The following PPM1H variants were observed in gnomAD, a reference collection of about 807,000 sequenced individuals.
PPM1H encodes the protein protein phosphatase 1H.
A neutral mutation model predicts 54.9 loss-of-function variants in PPM1H; 27 were observed. That is an observed-to-expected ratio of 0.49 (90% CI 0.36 to 0.68). The LOEUF (loss-of-function observed/expected upper bound fraction) is 0.68, where lower values mean the gene tolerates loss of function less well. PPM1H is among the 30% of genes least tolerant of loss of function. The pLI, the probability that PPM1H is intolerant of heterozygous loss-of-function variation, is 0.00. For synonymous variants in PPM1H, 305 were observed against 270.8 expected, an observed-to-expected ratio of 1.13 and a Z score of -1.24; for missense variants, 596 against 667.8, an observed-to-expected ratio of 0.89 and a Z score of 1.19.
chr12:62,667,396 C>A lies in PPM1H; in HGVS notation c.1246-67G>T, dbSNP rs550838245. ...CATATTATTCTCCCTAACAAACTGA[C>A]TTCTGATTCCCCTTCCCTTTTCCTG... On this transcript the variant is annotated intron_variant, in intron 8 of 9. Coordinates refer to ENST00000228705, the MANE Select transcript of PPM1H (RefSeq NM_020700.2). 5.2e-5 allele frequency: 69 copies of A among 1,338,042 alleles called. No homozygotes were observed. The East Asian group carries it at 1.3e-3, about 26-fold the overall frequency. 82.9% of individuals were successfully genotyped at this position (1,338,042 alleles called of 1,614,324 possible). A position where few individuals can be genotyped will look rare whatever the true frequency, so the allele number is the denominator to read the frequency against.
chr12:62,833,424 T>A (rs1028970923), intron 1 of PPM1H, among the ~76,000 whole-genome samples: 1 of 152,216 alleles, frequency 6.6e-6, no homozygotes, highest in Non-Finnish European at 1.5e-5. Context: ...CAGAGTCCCA[T>A]GTAGCTTTTG....
At chr12:62,856,858 T>G (rs1352437193) in intron 1 of PPM1H, among the ~76,000 whole-genome samples, 2 of 152,132 alleles carry the variant, frequency 1.3e-5, no homozygotes, top group Non-Finnish European at 2.9e-5. Flanking sequence ...GCTTTTTGGG[T>G]GATCACAAGA....
At chr12:62,877,301 T>C (rs776164020) in intron 1 of PPM1H, among the ~76,000 whole-genome samples, 1 of 152,156 alleles carries the variant, frequency 6.6e-6, no homozygotes, top group Non-Finnish European at 1.5e-5. Flanking sequence ...CTTCCTGATA[T>C]TGAACACAGA....
intron 2 of PPM1H, among the ~76,000 whole-genome samples, chr12:62,810,926 G>A (rs2120776488): frequency 1.3e-5 from 2 of 152,300 alleles, no homozygotes; most frequent in South Asian, 2.1e-4. Flanking sequence ...TATGTGCCAG[G>A]CTCCATGCTG....
chr12:62,934,940 C>T lies in PPM1H; in HGVS notation c.-204G>A, dbSNP rs1872282355. 1 of 330,262 alleles carries T rather than the reference C, an allele frequency of 3.0e-6. No homozygotes were observed. Among genetic ancestry groups the T allele is most frequent in the Admixed American group, 5.1e-5 (1 of 19,446 alleles). 20.5% of individuals were successfully genotyped at this position (330,262 alleles called of 1,614,324 possible). ...TGCTTAGTGCCGCGGTGGCCGCCGC[C>T]TCCCCCCGCTACACTTCCGCAACGG... On this transcript the variant is annotated 5_prime_UTR_variant, in exon 1 of 10. Coordinates refer to ENST00000228705, the MANE Select transcript of PPM1H (RefSeq NM_020700.2). This position sits in a 1 kb window ranked among gnomAD's most constrained non-coding sequence, Gnocchi z 4.2.
chr12:62,910,618 T>C (rs553914329), intron 1 of PPM1H, among the ~76,000 whole-genome samples: 1 of 152,338 alleles, frequency 6.6e-6, no homozygotes, highest in Admixed American at 6.5e-5. Context: ...CCTTTTGACT[T>C]ATGGCACTTT....
intron 3 of PPM1H, among the ~76,000 whole-genome samples, chr12:62,800,091 G>A (rs1421853757): frequency 1.3e-5 from 2 of 152,180 alleles, no homozygotes; most frequent in Non-Finnish European, 2.9e-5. Context: ...CCAAAGAAGG[G>A]ACACGTTTAA....
At chr12:62,933,060 T>C (rs746066443) in intron 1 of PPM1H, among the ~76,000 whole-genome samples, 1 of 152,218 alleles carries the variant, frequency 6.6e-6, no homozygotes, top group Non-Finnish European at 1.5e-5. Flanking sequence ...GGCTTTCTCT[T>C]GGAAGTTACA....
chr12:62,831,222 C>A (rs1016643090), intron 2 of PPM1H, among the ~76,000 whole-genome samples: 3 of 152,160 alleles, frequency 2.0e-5, no homozygotes, highest in African/African-American at 7.2e-5. Context: ...AAAATTTTTA[C>A]ACAAAAATAT....
intron 4 of PPM1H, among the ~76,000 whole-genome samples, chr12:62,756,870 A>T (rs967300930): frequency 2.0e-5 from 3 of 152,158 alleles, no homozygotes; most frequent in African/African-American, 7.2e-5. Context: ...TGGACCTAGG[A>T]AAGCTGACTT....
chr12:62,849,451 A>G, intron 1 of PPM1H, among the ~76,000 whole-genome samples: 1 of 152,222 alleles, frequency 6.6e-6, no homozygotes, highest in Admixed American at 6.5e-5. Context: ...GGGTGGTAAT[A>G]TCAGACTGAT....
intron 2 of PPM1H, among the ~76,000 whole-genome samples, chr12:62,819,800 G>A (rs962158605): frequency 4.6e-5 from 7 of 152,260 alleles, no homozygotes; most frequent in South Asian, 2.1e-4. Flanking sequence ...GCTCAAACAC[G>A]AGTCGGTTCC....
At chr12:62,767,845 C>T (rs2076553377) in intron 4 of PPM1H, among the ~76,000 whole-genome samples, 1 of 152,186 alleles carries the variant, frequency 6.6e-6, no homozygotes. Flanking sequence ...CTTGGTGTTC[C>T]TTGACTTGTG....
At chr12:62,745,223 A>T (rs1012475787) in intron 4 of PPM1H, among the ~76,000 whole-genome samples, 2 of 151,970 alleles carry the variant, frequency 1.3e-5, no homozygotes, top group African/African-American at 4.8e-5. Flanking sequence ...TTAATTTTTT[A>T]AATTATTATT....
chr12:62,752,839 TGCC>T (rs1463764919), intron 4 of PPM1H, among the ~76,000 whole-genome samples: 25 of 152,112 alleles, frequency 1.6e-4, no homozygotes, highest in African/African-American at 5.8e-4. Flanking sequence ...GAGAAGAAAA[TGCC>T]TGCAAATCTG....
chr12:62,818,483 G>A (rs2076883425), intron 2 of PPM1H, among the ~76,000 whole-genome samples: 2 of 152,114 alleles, frequency 1.3e-5, no homozygotes, highest in African/African-American at 4.8e-5. Context: ...TGGGAATAAG[G>A]TATTGTCCTC....
At chr12:62,884,281 G>A (rs1870499708) in intron 1 of PPM1H, among the ~76,000 whole-genome samples, 1 of 151,430 alleles carries the variant, frequency 6.6e-6, no homozygotes, top group Non-Finnish European at 1.5e-5. Flanking sequence ...GAGGTCAAGA[G>A]TTCGAGACCA....
intron 1 of PPM1H, among the ~76,000 whole-genome samples, chr12:62,920,084 G>A (rs1355554892): frequency 6.6e-6 from 1 of 152,176 alleles, no homozygotes; most frequent in African/African-American, 2.4e-5. Flanking sequence ...AGAGCAGCAT[G>A]GTCCTCTGTG....
intron 1 of PPM1H, among the ~76,000 whole-genome samples, chr12:62,879,630 G>C (rs1461908146): frequency 6.6e-6 from 1 of 152,076 alleles, no homozygotes; most frequent in Non-Finnish European, 1.5e-5. Flanking sequence ...GAGGTTGGGG[G>C]AGGGATAGCG....
Sources: allele counts gnomAD v4.1 joint callset (sites outside exome capture counted in the v4.1 genomes callset), GRCh38; gene constraint gnomAD v4.1.1; non-coding constraint Gnocchi (gnomAD v3.1); transcripts MANE v1.5; gene names NCBI Gene and HGNC (gene_info 2026-07-23, HGNC 2026-07-21).